The following ZDHHC14 variants were observed in gnomAD, a reference collection of about 807,000 sequenced individuals.
ZDHHC14 encodes the protein zDHHC palmitoyltransferase 14.
Under a neutral mutation model 47.7 loss-of-function variants are expected in ZDHHC14, and 16 were observed. The ratio of observed to expected loss-of-function variants is 0.34; its 90% CI spans 0.23 to 0.51. ZDHHC14 has a LOEUF of 0.51. Among genes scored for constraint, ZDHHC14 ranks in the 20% least tolerant of loss-of-function variants. ZDHHC14 has a pLI of 0.97. For missense variants in ZDHHC14, 515 were observed against 662.5 expected, an observed-to-expected ratio of 0.78 and a Z score of 2.44; for synonymous variants, 293 against 278.9, an observed-to-expected ratio of 1.05 and a Z score of -0.50.
chr6:157,482,280 A>G (rs1485575206), intron 1 of ZDHHC14, among the ~76,000 whole-genome samples: 8 of 83,058 alleles, frequency 9.6e-5, no homozygotes, highest in African/African-American at 3.1e-4. Flanking sequence ...TTTTTTTTTG[A>G]GATGGAGTCT....
At chr6:157,482,260 C>CTTTTTTTTT (rs1231434907) in intron 1 of ZDHHC14, among the ~76,000 whole-genome samples, 8 of 127,550 alleles carry the variant, frequency 6.3e-5, no homozygotes, top group Non-Finnish European at 4.9e-5. Flanking sequence ...CTTTTCTTTT[C>CTTTTTTTTT]TTTTTTTTTT....
At chr6:157,514,351 A>G (rs1473915815) in intron 1 of ZDHHC14, among the ~76,000 whole-genome samples, 3 of 152,274 alleles carry the variant, frequency 2.0e-5, no homozygotes, top group Admixed American at 2.0e-4. Flanking sequence ...CTTTCTTTCT[A>G]TGCCCATGGT....
At chr6:157,616,507 A>G (rs1159546677) in intron 3 of ZDHHC14, among the ~76,000 whole-genome samples, 1 of 152,104 alleles carries the variant, frequency 6.6e-6, no homozygotes, top group Non-Finnish European at 1.5e-5. Flanking sequence ...GGAGCTGGAC[A>G]CTACAGAACC....
intron 1 of ZDHHC14, among the ~76,000 whole-genome samples, chr6:157,472,980 T>G (rs1161418715): frequency 1.3e-5 from 2 of 152,190 alleles, no homozygotes; most frequent in African/African-American, 2.4e-5. Flanking sequence ...AAAGCAAAGA[T>G]AACAAGATAA....
intron 1 of ZDHHC14, among the ~76,000 whole-genome samples, chr6:157,493,545 A>G (rs1003077334): frequency 2.0e-5 from 3 of 152,324 alleles, no homozygotes; most frequent in South Asian, 2.1e-4. Flanking sequence ...CCATTCAACA[A>G]TAGGGGAGCC....
chr6:157,471,737 G>A (rs553661786), intron 1 of ZDHHC14, among the ~76,000 whole-genome samples: 5 of 152,226 alleles, frequency 3.3e-5, no homozygotes, highest in Non-Finnish European at 7.3e-5. Flanking sequence ...GTTAGATCGT[G>A]TCAGCCTTTG....
intron 1 of ZDHHC14, among the ~76,000 whole-genome samples, chr6:157,465,105 C>CTTTTTTTTTTTTTTTTT (rs772080368): frequency 9.8e-6 from 1 of 102,010 alleles, no homozygotes; most frequent in Non-Finnish European, 1.9e-5. Context: ...TCTCTTTCTC[C>CTTTTTTTTTTTTTTTTT]TTTTTTTTTT....
intron 1 of ZDHHC14, among the ~76,000 whole-genome samples, chr6:157,406,986 T>C (rs2114753391): frequency 6.6e-6 from 1 of 152,344 alleles, no homozygotes; most frequent in African/African-American, 2.4e-5. Flanking sequence ...GGCTTTTATT[T>C]TAGCATTGCC....
chr6:157,449,435 C>T (rs962083749), intron 1 of ZDHHC14, among the ~76,000 whole-genome samples: 4 of 152,148 alleles, frequency 2.6e-5, no homozygotes, highest in Non-Finnish European at 5.9e-5. Flanking sequence ...TATAAGTGAA[C>T]AGTTGGATGG....
chr6:157,639,228 C>T (rs140698189), intron 5 of ZDHHC14, among the ~76,000 whole-genome samples: 4 of 152,358 alleles, frequency 2.6e-5, no homozygotes, highest in African/African-American at 9.6e-5. Flanking sequence ...GGTGAGGTCC[C>T]TTCATCCCCT....
chr6:157,558,098 T>A (rs1582938364), intron 2 of ZDHHC14, among the ~76,000 whole-genome samples: 1 of 152,230 alleles, frequency 6.6e-6, no homozygotes, highest in Non-Finnish European at 1.5e-5. Flanking sequence ...GTAATCAATA[T>A]GTAAAGATAT....
chr6:157,469,429 C>G (rs1481685546), intron 1 of ZDHHC14, among the ~76,000 whole-genome samples: 1 of 152,166 alleles, frequency 6.6e-6, no homozygotes, highest in Non-Finnish European at 1.5e-5. Flanking sequence ...AGGAAGCTGC[C>G]TATATGTAGG....
Position 157,652,685 on chromosome 6 carries a change from T to C in ZDHHC14, c.966-840T>C, listed in dbSNP as rs138913310. Among the ~76,000 whole-genome samples the C allele has an allele frequency of 1.4e-4, 21 of 152,310 alleles. No homozygotes were observed. In the East Asian group the frequency reaches 4.1e-3, roughly 29 times the overall value. On this transcript the variant is annotated intron_variant, in intron 7 of 8. Transcript: ENST00000359775. The stretch of plus-strand genomic sequence containing the variant: ...TTTTTATTCATTCCATCAAGAAGAA[T>C]TTTGCGCAGCACCCGCTGGGTGTCA...
intron 5 of ZDHHC14, among the ~76,000 whole-genome samples, chr6:157,639,562 A>G (rs1243744168): frequency 2.0e-5 from 3 of 152,206 alleles, no homozygotes; most frequent in East Asian, 1.9e-4. Flanking sequence ...TCGGCCTCCC[A>G]AAGTGCTGGG....
At chr6:157,573,817 A>G (rs1783192180) in intron 2 of ZDHHC14, among the ~76,000 whole-genome samples, 1 of 152,132 alleles carries the variant, frequency 6.6e-6, no homozygotes, top group Non-Finnish European at 1.5e-5. Context: ...ACTCCCAAGG[A>G]AGCCCCAGGA....
At chr6:157,484,334 T>C (rs530507643) in intron 1 of ZDHHC14, among the ~76,000 whole-genome samples, 1 of 146,136 alleles carries the variant, frequency 6.8e-6, no homozygotes, top group East Asian at 2.0e-4. Context: ...TATACGTATA[T>C]ATACATTATA....
chr6:157,383,853 C>G (rs1175852596), intron 1 of ZDHHC14, among the ~76,000 whole-genome samples: 1 of 152,208 alleles, frequency 6.6e-6, no homozygotes, highest in Non-Finnish European at 1.5e-5. Context: ...ACACTCTACT[C>G]ATGCTGCTGT....
In ZDHHC14 at chr6:157,524,350, T is replaced by A. The variant is rs142667947; in HGVS notation, c.246-18235T>A. ...GGTTTCACCATGTTAGCCAGGCTGG[T>A]CTCGAACTCCTGACCTCAGGTGATC... On this transcript the variant is annotated intron_variant, in intron 1 of 8. Coordinates refer to ENST00000359775, the MANE Select transcript of ZDHHC14 (RefSeq NM_024630.3). 1.0e-3 allele frequency among the ~76,000 whole-genome samples: 156 copies of A among 152,280 alleles called. 1 individual carries two copies. Among genetic ancestry groups the A allele is most frequent in the Middle Eastern group, 0.01 (3 of 294 alleles).
intron 1 of ZDHHC14, among the ~76,000 whole-genome samples, chr6:157,434,717 C>G (rs1227351884): frequency 6.6e-6 from 1 of 152,104 alleles, no homozygotes; most frequent in Admixed American, 6.6e-5. Flanking sequence ...AAGATGAGCA[C>G]CCAGAGAGCT....
Sources: allele counts gnomAD v4.1 joint callset (sites outside exome capture counted in the v4.1 genomes callset), GRCh38; gene constraint gnomAD v4.1.1; transcripts MANE v1.5; gene names NCBI Gene and HGNC (gene_info 2026-07-23, HGNC 2026-07-21).